Variants in SUGCT observed in about 807,000 individuals in gnomAD.
The protein encoded by SUGCT is succinyl-CoA:glutarate-CoA transferase, also known as succinyl-CoA:glutarate CoA-transferase.
In SUGCT, 41 loss-of-function variants were observed where a neutral mutation model predicts 55.0. That is an observed-to-expected ratio of 0.74 (90% CI 0.58 to 0.97). The LOEUF (loss-of-function observed/expected upper bound fraction) is 0.97, where lower values mean the gene tolerates loss of function less well. Ranked by LOEUF, SUGCT falls within the 50% of genes least tolerant of loss-of-function variation. SUGCT has a pLI of 0.00. For missense variants in SUGCT, 568 were observed against 547.8 expected (o/e 1.04, Z -0.37); for synonymous variants, 187 against 200.4 (o/e 0.93, Z 0.56).
chr7:40,989,741 A>C, the SUGCT span, among the ~76,000 whole-genome samples: 1 of 152,230 alleles, frequency 6.6e-6, no homozygotes, highest in South Asian at 2.1e-4. Flanking sequence ...ACTGCACTCC[A>C]GCCTGGGTGA....
At chr7:40,868,174 G>C in the SUGCT span, among the ~76,000 whole-genome samples, 1 of 152,078 alleles carries the variant, frequency 6.6e-6, no homozygotes, top group Non-Finnish European at 1.5e-5. Flanking sequence ...CACTGAGCTA[G>C]TCTTTTTTTC....
the SUGCT span, among the ~76,000 whole-genome samples, chr7:40,923,437 G>T: frequency 1.3e-5 from 2 of 152,134 alleles, no homozygotes; most frequent in African/African-American, 4.8e-5. Context: ...ATTAACCATG[G>T]TTTTGCACCA....
At chr7:40,319,390 A>G (rs1421312495) in intron 9 of SUGCT, among the ~76,000 whole-genome samples, 1 of 152,122 alleles carries the variant, frequency 6.6e-6, no homozygotes, top group Non-Finnish European at 1.5e-5. Flanking sequence ...TTGGGGGAAT[A>G]TTTTTGTGGG....
intron 13 of SUGCT, among the ~76,000 whole-genome samples, chr7:40,796,039 T>C (rs1330189237): frequency 6.6e-6 from 1 of 152,180 alleles, no homozygotes; most frequent in African/African-American, 2.4e-5. Flanking sequence ...TTAAACACTC[T>C]CAATTGTTTA....
chr7:40,943,736 A>G, the SUGCT span, among the ~76,000 whole-genome samples: 1 of 151,814 alleles, frequency 6.6e-6, no homozygotes, highest in Non-Finnish European at 1.5e-5. Context: ...GCCGCAATAA[A>G]CATACGTGTT....
At chr7:40,404,945 T>G (rs1028373127) in intron 9 of SUGCT, among the ~76,000 whole-genome samples, 1 of 152,176 alleles carries the variant, frequency 6.6e-6, no homozygotes, top group African/African-American at 2.4e-5. Context: ...TCTGGTGTCT[T>G]TATAGAATTA....
intron 9 of SUGCT, among the ~76,000 whole-genome samples, chr7:40,428,504 T>C (rs1583656009): frequency 1.4e-5 from 2 of 138,952 alleles, no homozygotes; most frequent in South Asian, 2.4e-4. Flanking sequence ...AGTTGCTCTC[T>C]CTCTTTCTCT....
chr7:40,822,825 T>C (rs368808006), intron 13 of SUGCT, among the ~76,000 whole-genome samples: 1 of 152,174 alleles, frequency 6.6e-6, no homozygotes, highest in Non-Finnish European at 1.5e-5. Flanking sequence ...AATGAGAGTG[T>C]TAAGGAAATG....
At chr7:40,855,149 T>C (rs1794106266) in intron 13 of SUGCT, among the ~76,000 whole-genome samples, 1 of 152,074 alleles carries the variant, frequency 6.6e-6, no homozygotes, top group South Asian at 2.1e-4. Flanking sequence ...TGAAATTTTA[T>C]GTGATGTCAA....
At chr7:40,260,708 A>G (rs539500172) in intron 7 of SUGCT, among the ~76,000 whole-genome samples, 4 of 152,072 alleles carry the variant, frequency 2.6e-5, no homozygotes, top group Non-Finnish European at 5.9e-5. Context: ...CTGGAGTGCA[A>G]TGGAGTGATC....
chr7:40,662,097 T>G (rs1801356715), intron 12 of SUGCT, among the ~76,000 whole-genome samples: 1 of 152,228 alleles, frequency 6.6e-6, no homozygotes, highest in African/African-American at 2.4e-5. Flanking sequence ...TTTTCTCTTT[T>G]CAGCAAATGG....
intron 9 of SUGCT, among the ~76,000 whole-genome samples, chr7:40,353,682 A>G (rs1797749198): frequency 6.6e-6 from 1 of 152,104 alleles, no homozygotes; most frequent in Non-Finnish European, 1.5e-5. Context: ...AACCATATAG[A>G]TATGCAAGTT....
intron 12 of SUGCT, among the ~76,000 whole-genome samples, chr7:40,675,105 G>C (rs2151876743): frequency 6.6e-6 from 1 of 150,538 alleles, no homozygotes. Flanking sequence ...CTGTTGCCTG[G>C]GCTGGAGTGT....
chr7:40,196,897 C>T (rs993660601), intron 6 of SUGCT, among the ~76,000 whole-genome samples: 2 of 152,116 alleles, frequency 1.3e-5, no homozygotes, highest in African/African-American at 4.8e-5. Flanking sequence ...TGCTTTGGTG[C>T]AATCTCAGCT....
At chr7:40,943,746 T>G in the SUGCT span, among the ~76,000 whole-genome samples, 1 of 152,008 alleles carries the variant, frequency 6.6e-6, no homozygotes, top group East Asian at 1.9e-4. Flanking sequence ...ACATACGTGT[T>G]CACGTGTCTT....
At chr7:40,626,467 T>G (rs1012013951) in intron 12 of SUGCT, among the ~76,000 whole-genome samples, 9 of 151,756 alleles carry the variant, frequency 5.9e-5, no homozygotes, top group African/African-American at 2.2e-4. Flanking sequence ...TTAACCAGGA[T>G]GGTCTCGATC....
At chr7:40,315,199 T>C (rs186449480) in intron 8 of SUGCT, among the ~76,000 whole-genome samples, 20 of 152,314 alleles carry the variant, frequency 1.3e-4, no homozygotes, top group African/African-American at 4.1e-4. Context: ...GTAAATTACA[T>C]ACCCACAGTC....
chr7:40,217,470 C>T, intron 6 of SUGCT: 2 of 444,022 alleles, frequency 4.5e-6, no homozygotes, highest in Non-Finnish European at 9.1e-6. Context: ...CTCTGGTCTC[C>T]CAAAGTGCTG....
chr7:40,446,932 T>C (rs748934316), intron 9 of SUGCT, among the ~76,000 whole-genome samples: 14 of 152,242 alleles, frequency 9.2e-5, no homozygotes, highest in Non-Finnish European at 1.9e-4. Context: ...ATCTGAATTG[T>C]TAATTGTTAA....
Sources: gnomAD v4.1 joint callset for allele counts (sites outside exome capture counted in the v4.1 genomes callset) on GRCh38, gnomAD v4.1.1 for gene constraint, MANE v1.5 for transcripts, NCBI Gene and HGNC (gene_info 2026-07-23, HGNC 2026-07-21) for gene names.